R3HCC1L: variants seen among roughly 807,000 people sequenced by gnomAD.
R3HCC1L encodes coiled-coil domain-containing protein R3HCC1L.
In R3HCC1L, 51 loss-of-function variants were observed where a neutral mutation model predicts 59.9. That is an observed-to-expected ratio of 0.85 (90% confidence interval 0.68 to 1.07). The LOEUF (loss-of-function observed/expected upper bound fraction) is 1.07, where lower values mean the gene tolerates loss of function less well. R3HCC1L is among the 50% of genes least tolerant of loss of function. The pLI is 0.00. For synonymous variants in R3HCC1L, 322 were observed against 315.2 expected (o/e 1.02, Z -0.23); for missense variants, 965 against 933.0 (o/e 1.03, Z -0.45).
intron 4 of R3HCC1L, among the ~76,000 whole-genome samples, chr10:98,163,856 T>A (rs1271694320): frequency 1.3e-5 from 2 of 152,226 alleles, no homozygotes; most frequent in African/African-American, 4.8e-5. Context: ...TGAATAATGT[T>A]ATTAAATAAC....
chr10:98,213,750 A>AC (rs996069158), intron 5 of R3HCC1L, among the ~76,000 whole-genome samples: 3 of 152,048 alleles, frequency 2.0e-5, no homozygotes, highest in African/African-American at 7.2e-5. Context: ...GTTCCCTTGT[A>AC]CCCCCTCACC....
rs779204238 is a variant in R3HCC1L at position 98,209,294 on chromosome 10, C to A, written c.1180C>A (p.Pro394Thr). 3.7e-6 allele frequency: 6 copies of A among 1,613,766 alleles called. No individual in the cohort carries two copies. In the South Asian group the frequency reaches 6.6e-5, roughly 18 times the overall value. Residue 394 changes from proline to threonine, a missense_variant, in exon 5 of 10, where the codon CCT becomes ACT. Transcript: ENST00000298999. ...TAGTGATCATGTAACTGTTGATAGCCCTTATGTAGTTGCAGTTAGAATAGC... is the reference window on the plus strand; with the variant it reads ...TAGTGATCATGTAACTGTTGATAGCACTTATGTAGTTGCAGTTAGAATAGC... The part of the protein sequence containing the change: ...SCSDHVTVDS[P>T]YVVAVRIADE...
At chr10:98,223,879 AGTGT>A (rs1590788198) in intron 5 of R3HCC1L, among the ~76,000 whole-genome samples, 1 of 152,250 alleles carries the variant, frequency 6.6e-6, no homozygotes, top group East Asian at 1.9e-4. Flanking sequence ...CAGTGGCAGC[AGTGT>A]GCTGGGTGAG....
intron 1 of R3HCC1L, among the ~76,000 whole-genome samples, chr10:98,150,716 A>G (rs1846073386): frequency 6.6e-6 from 1 of 152,010 alleles, no homozygotes. Context: ...TGAACCTCCT[A>G]CAGCGTGGTG....
At chr10:98,200,285 A>G (rs1278436076) in intron 4 of R3HCC1L, among the ~76,000 whole-genome samples, 2 of 152,134 alleles carry the variant, frequency 1.3e-5, no homozygotes, top group East Asian at 3.8e-4. Context: ...GCTATTAGTG[A>G]GAAATTGATA....
intron 4 of R3HCC1L, among the ~76,000 whole-genome samples, chr10:98,167,630 C>G (rs748855537): frequency 2.0e-5 from 3 of 152,162 alleles, no homozygotes; most frequent in Non-Finnish European, 2.9e-5. Context: ...GCATTTTTAC[C>G]CCAACATAAT....
chr10:98,244,313 C>T lies in R3HCC1L; in HGVS notation c.*155C>T. ...GGACTGACTGGGTATAGAAGGAAGA[C>T]AGACTCCTGTCTTCACTCCTAAATG... On this transcript the variant is annotated 3_prime_UTR_variant, in exon 10 of 10. Coordinates refer to ENST00000298999, the MANE Select transcript of R3HCC1L (RefSeq NM_001351015.2). 3.1e-6 allele frequency: 2 copies of T among 649,960 alleles called. No individual in the cohort carries two copies. Among genetic ancestry groups the T allele is most frequent in the Non-Finnish European group, 2.6e-6 (1 of 385,640 alleles). 40.3% of individuals were successfully genotyped at this position (649,960 alleles called of 1,614,324 possible).
intron 5 of R3HCC1L, among the ~76,000 whole-genome samples, chr10:98,225,465 C>T (rs1855567066): frequency 6.6e-6 from 1 of 152,112 alleles, no homozygotes; most frequent in Admixed American, 6.5e-5. Flanking sequence ...AGTATGATAT[C>T]CTATCTCCAC....
chr10:98,149,485 T>C (rs1024651292), intron 1 of R3HCC1L, among the ~76,000 whole-genome samples: 3 of 152,216 alleles, frequency 2.0e-5, no homozygotes, highest in Non-Finnish European at 4.4e-5. Flanking sequence ...CATTTATTGC[T>C]ATAACTTCCC....
chr10:98,165,735 ATTGGGG>A (rs1438052614), intron 4 of R3HCC1L, among the ~76,000 whole-genome samples: 1 of 152,244 alleles, frequency 6.6e-6, no homozygotes, highest in African/African-American at 2.4e-5. Flanking sequence ...CCAGACTAAT[ATTGGGG>A]ACTGAATGTT....
At chr10:98,236,591 CCAG>C (rs1856987424) in intron 9 of R3HCC1L, among the ~76,000 whole-genome samples, 1 of 152,154 alleles carries the variant, frequency 6.6e-6, no homozygotes, top group Non-Finnish European at 1.5e-5. Context: ...TTAGGAAAAG[CCAG>C]CAACTGACGT....
Position 98,209,265 on chromosome 10 carries a change from C to T in R3HCC1L, c.1151C>T (p.Ser384Phe). ...TGTATGATGGACACTACAGGTATGT[C>T]CTGTAGTGATCATGTAACTGTTGAT... The part of the protein sequence containing the change: ...KACMMDTTGM[S>F]CSDHVTVDSP... The change falls in exon 5 of 10, where the codon TCC becomes TTC. Residue 384 changes from serine (S) to phenylalanine (F), a missense_variant. Physicochemically the swap from Ser to Phe is radical, Grantham distance 155. Transcript: ENST00000298999. 1 of 1,613,858 alleles carries T rather than the reference C, an allele frequency of 6.2e-7. No individual in the cohort carries two copies. The highest frequency in any genetic ancestry group is 1.1e-5 in the South Asian group (1 of 91,064).
At chr10:98,223,045 C>T (rs1274524585) in intron 5 of R3HCC1L, among the ~76,000 whole-genome samples, 2 of 151,552 alleles carry the variant, frequency 1.3e-5, no homozygotes, top group Non-Finnish European at 3.0e-5. Flanking sequence ...TGGCAATAAT[C>T]AATAGCTTAC....
chr10:98,183,865 A>T (rs1849915437), intron 4 of R3HCC1L, among the ~76,000 whole-genome samples: 1 of 151,962 alleles, frequency 6.6e-6, no homozygotes, highest in African/African-American at 2.4e-5. Context: ...TAGAGCATTT[A>T]ACGTATAAAT....
chr10:98,162,782 C>T (rs533209893), intron 2 of R3HCC1L, 101 bp from the exon 3 acceptor site: 87 of 152,360 alleles, frequency 5.7e-4, no homozygotes, highest in Non-Finnish European at 1.0e-3. Context: ...ACTGCAGCCT[C>T]GACCTGCTGG....
At chr10:98,138,639 A>C (rs1844828585) in intron 1 of R3HCC1L, among the ~76,000 whole-genome samples, 1 of 152,208 alleles carries the variant, frequency 6.6e-6, no homozygotes, top group Admixed American at 6.5e-5. Flanking sequence ...TGTATAGTGG[A>C]TGCTCAGTAA....
chr10:98,218,947 T>A (rs981044568), intron 5 of R3HCC1L, among the ~76,000 whole-genome samples: 1 of 152,326 alleles, frequency 6.6e-6, no homozygotes, highest in East Asian at 1.9e-4. Context: ...TTGGAAACTC[T>A]GTCTCCCAGG....
intron 5 of R3HCC1L, among the ~76,000 whole-genome samples, chr10:98,225,881 C>G (rs1855616820): frequency 6.6e-6 from 1 of 151,994 alleles, no homozygotes; most frequent in African/African-American, 2.4e-5. Flanking sequence ...GGCTCGGTAA[C>G]CCAGGTTGGA....
chr10:98,229,053 A>C (rs1174830135), intron 5 of R3HCC1L, among the ~76,000 whole-genome samples: 1 of 151,942 alleles, frequency 6.6e-6, no homozygotes, highest in Non-Finnish European at 1.5e-5. Context: ...CTTAGGATTG[A>C]CTTGGCAATG....
Sources: allele counts gnomAD v4.1 joint callset (sites outside exome capture counted in the v4.1 genomes callset), GRCh38; gene constraint gnomAD v4.1.1; transcripts MANE v1.5; gene names NCBI Gene and HGNC (gene_info 2026-07-23, HGNC 2026-07-21).